ARHGAP32: variants seen among roughly 807,000 people sequenced by gnomAD.
The protein encoded by ARHGAP32 is Rho GTPase activating protein 32.
Under a neutral mutation model 186.5 loss-of-function variants are expected in ARHGAP32, and 51 were observed. The ratio of observed to expected loss-of-function variants is 0.27; its 90% CI spans 0.22 to 0.35. The LOEUF (loss-of-function observed/expected upper bound fraction) is 0.35, where lower values mean the gene tolerates loss of function less well. Among genes scored for constraint, ARHGAP32 ranks in the 10% least tolerant of loss-of-function variants. The pLI is 1.00. For synonymous variants in ARHGAP32, 950 were observed against 964.3 expected, an observed-to-expected ratio of 0.99 and a Z score of 0.27; for missense variants, 2,186 against 2,623.5, an observed-to-expected ratio of 0.83 and a Z score of 3.64.
At chr11:129,079,802 C>T (rs983621106) in intron 6 of ARHGAP32, among the ~76,000 whole-genome samples, 1 of 152,130 alleles carries the variant, frequency 6.6e-6, no homozygotes, top group African/African-American at 2.4e-5. Flanking sequence ...CTAAAAGATA[C>T]AGAACACCAG....
At chr11:129,268,122 C>T (rs771718682) in intron 1 of ARHGAP32, among the ~76,000 whole-genome samples, 6 of 152,032 alleles carry the variant, frequency 3.9e-5, no homozygotes, top group African/African-American at 7.3e-5. Flanking sequence ...ATCCCTACCC[C>T]GAGTCCCAAA....
In ARHGAP32 at chr11:129,095,633, C is replaced by T. The variant is rs1591610118; in HGVS notation, c.445-1926G>A. On this transcript the variant is annotated intron_variant, in intron 5 of 22. Transcript: ENST00000682385. ...ACTGGAAGATACCCCTCTGAAGGCA[C>T]TCAGGACACTCAACAACTGAAGGAT... 3.9e-5 allele frequency among the ~76,000 whole-genome samples: 6 copies of T among 152,282 alleles called. No individual in the cohort carries two copies. In the South Asian group the frequency reaches 1.2e-3, roughly 32 times the overall value.
chr11:129,030,837 G>C (rs1939082104), intron 11 of ARHGAP32, among the ~76,000 whole-genome samples: 1 of 152,150 alleles, frequency 6.6e-6, no homozygotes, highest in African/African-American at 2.4e-5. Context: ...TTGGTCACAG[G>C]GGCAGATCCC....
At chr11:129,092,968 G>T (rs936026418) in intron 6 of ARHGAP32, among the ~76,000 whole-genome samples, 2 of 151,852 alleles carry the variant, frequency 1.3e-5, no homozygotes, top group Non-Finnish European at 2.9e-5. Context: ...TACATGATGG[G>T]GGAAATAATC....
At chr11:129,219,520 C>T (rs1944686774) in intron 1 of ARHGAP32, among the ~76,000 whole-genome samples, 1 of 152,164 alleles carries the variant, frequency 6.6e-6, no homozygotes. Flanking sequence ...TTATGCTTCA[C>T]ATAAGCAGCA....
intron 1 of ARHGAP32, among the ~76,000 whole-genome samples, chr11:129,166,226 C>T (rs1430032370): frequency 6.6e-6 from 1 of 150,906 alleles, no homozygotes; most frequent in Non-Finnish European, 1.5e-5. Flanking sequence ...AGAAAATACA[C>T]AAAATAGTAT....
chr11:129,073,263 GAA>G, intron 6 of ARHGAP32, among the ~76,000 whole-genome samples: 1 of 152,120 alleles, frequency 6.6e-6, no homozygotes, highest in South Asian at 2.1e-4. Flanking sequence ...AGACACATCA[GAA>G]AAAGAGTCAA....
chr11:129,081,493 A>T (rs898617785), intron 6 of ARHGAP32, among the ~76,000 whole-genome samples: 1 of 152,012 alleles, frequency 6.6e-6, no homozygotes, highest in Non-Finnish European at 1.5e-5. Flanking sequence ...CAACATAAAC[A>T]TAAAAACAAA....
intron 15 of ARHGAP32, among the ~76,000 whole-genome samples, chr11:128,982,412 G>A (rs973118422): frequency 4.0e-5 from 6 of 151,632 alleles, no homozygotes; most frequent in Non-Finnish European, 7.4e-5. Context: ...TAAACAATAG[G>A]GAAGAGTACT....
chr11:129,179,314 G>A (rs1406882425), intron 1 of ARHGAP32, among the ~76,000 whole-genome samples: 1 of 152,166 alleles, frequency 6.6e-6, no homozygotes, highest in African/African-American at 2.4e-5. Context: ...GAGAGGATGT[G>A]GACAAATAGG....
chr11:129,114,032 T>C (rs1285586212), intron 5 of ARHGAP32, among the ~76,000 whole-genome samples: 2 of 152,138 alleles, frequency 1.3e-5, no homozygotes, highest in Non-Finnish European at 2.9e-5. Context: ...CATCCCCTTT[T>C]TTCCTACTCC....
At chr11:129,233,917 G>A (rs899167368) in intron 1 of ARHGAP32, among the ~76,000 whole-genome samples, 1 of 151,576 alleles carries the variant, frequency 6.6e-6, no homozygotes, top group Non-Finnish European at 1.5e-5. Context: ...ACATAATAGA[G>A]GTCTCAACAA....
intron 12 of ARHGAP32, among the ~76,000 whole-genome samples, chr11:128,995,608 G>T (rs1457587094): frequency 6.6e-6 from 1 of 152,232 alleles, no homozygotes; most frequent in Non-Finnish European, 1.5e-5. Flanking sequence ...GGAGGCCAAG[G>T]TGGGTGGATT....
intron 11 of ARHGAP32, chr11:129,030,600 G>A (rs1035328184): frequency 6.6e-6 from 1 of 152,006 alleles, no homozygotes; most frequent in Non-Finnish European, 1.5e-5. Context: ...CAGCTTTAAT[G>A]TATATCTGTT....
intron 6 of ARHGAP32, among the ~76,000 whole-genome samples, chr11:129,086,148 T>C (rs1271581438): frequency 6.6e-6 from 1 of 152,046 alleles, no homozygotes; most frequent in East Asian, 1.9e-4. Context: ...CAACTGACAT[T>C]TGACTAGGGA....
At chr11:129,228,874 G>A (rs1944820282) in intron 1 of ARHGAP32, among the ~76,000 whole-genome samples, 2 of 152,114 alleles carry the variant, frequency 1.3e-5, no homozygotes, top group Middle Eastern at 3.4e-3. Context: ...AAAATTAAAT[G>A]TAAAAAAAGA....
intron 5 of ARHGAP32, among the ~76,000 whole-genome samples, chr11:129,103,992 A>T (rs1411912122): frequency 6.6e-6 from 1 of 152,118 alleles, no homozygotes; most frequent in Admixed American, 6.6e-5. Flanking sequence ...ACTATAAAAC[A>T]CCTAACATCT....
At chr11:128,985,691 A>G (rs1945842483) in intron 15 of ARHGAP32, among the ~76,000 whole-genome samples, 1 of 151,954 alleles carries the variant, frequency 6.6e-6, no homozygotes, top group Admixed American at 6.6e-5. Flanking sequence ...TTGTCCATCC[A>G]TTCATTCATT....
intron 1 of ARHGAP32, among the ~76,000 whole-genome samples, chr11:129,188,023 T>G (rs1343047422): frequency 1.3e-5 from 2 of 152,154 alleles, no homozygotes; most frequent in Non-Finnish European, 2.9e-5. Flanking sequence ...TGCCGTAATC[T>G]CAGCTCACTG....
Sources: gnomAD v4.1 joint callset for allele counts (sites outside exome capture counted in the v4.1 genomes callset) on GRCh38, gnomAD v4.1.1 for gene constraint, MANE v1.5 for transcripts, NCBI Gene and HGNC (gene_info 2026-07-23, HGNC 2026-07-21) for gene names.